The following URAD variants were observed in gnomAD, a reference collection of about 807,000 sequenced individuals.
URAD encodes putative 2-oxo-4-hydroxy-4-carboxy-5-ureidoimidazoline decarboxylase.
A neutral mutation model predicts 4.6 loss-of-function variants in URAD; 4 were observed. The ratio of observed to expected loss-of-function variants is 0.87; its 90% CI spans 0.43 to 1.98. URAD has a LOEUF of 1.98. URAD is among the 30% of genes most tolerant of loss of function. URAD has a pLI of 0.03. For synonymous variants in URAD, 144 were observed against 118.2 expected (o/e 1.22, Z -1.41); for missense variants, 300 against 255.3 (o/e 1.18, Z -1.19).
rs1221510610 is a variant in URAD, at chr13:27,978,285, A to G, written c.343T>C (p.Phe115Leu). 7.0e-7 allele frequency: 1 copy of G among 1,420,180 alleles called. No individual in the cohort carries two copies. The highest frequency in any genetic ancestry group is 9.1e-7 in the Non-Finnish European group (1 of 1,096,130). The allele number at this position is 1,420,180 out of a possible 1,614,324, so 88.0% of individuals were successfully genotyped here. The stretch of plus-strand genomic sequence containing the variant: ...GCGGCGAGCACGAAGGGGAAACCGA[A>G]GCGCGCGCGGTACTGCGCGTTGAGC... Reference protein sequence around the residue: ...AELNAQYRARFGFPFVLAARF... With the variant: ...AELNAQYRARLGFPFVLAARF... The change falls in exon 2 of 2, where the codon TTC (phenylalanine) becomes CTC (leucine). Residue 115 changes from phenylalanine to leucine, a missense_variant. By Grantham distance (22) the Phe-to-Leu change is conservative (BLOSUM62 0). Coordinates refer to ENST00000332715, the MANE Select transcript of URAD (RefSeq NM_001105577.2).
chr13:27,978,320 C>A lies in URAD; in HGVS notation c.308G>T (p.Arg103Leu). ...GTACTGCGCGTTGAGCTCGGCCAGCCGCAGCCGCTCGTCCGCGCCCAGGCT... is the reference window on the plus strand; with the variant it reads ...GTACTGCGCGTTGAGCTCGGCCAGCAGCAGCCGCTCGTCCGCGCCCAGGCT... Reference protein sequence around the residue: ...LRSLGADERLRLAELNAQYRA... With the variant: ...LRSLGADERLLLAELNAQYRA... Residue 103 changes from arginine (R) to leucine (L), a missense_variant, in exon 2 of 2, where the codon CGG becomes CTG. Arg to Leu is a moderately radical substitution (Grantham distance 102, BLOSUM62 -2). Coordinates refer to ENST00000332715, the MANE Select transcript of URAD (RefSeq NM_001105577.2). The A allele has an allele frequency of 7.2e-7, 1 of 1,394,602 alleles. No homozygotes were observed. The highest frequency in any genetic ancestry group is 9.2e-7 in the Non-Finnish European group (1 of 1,082,188). 86.4% of individuals were successfully genotyped at this position (1,394,602 alleles called of 1,614,324 possible). A position where few individuals can be genotyped will look rare whatever the true frequency, so the allele number is the denominator to read the frequency against.
intron 1 of URAD, among the ~76,000 whole-genome samples, chr13:27,980,418 C>A (rs1018052489): frequency 1.3e-5 from 2 of 152,194 alleles, no homozygotes; most frequent in Non-Finnish European, 2.9e-5. Flanking sequence ...GGCCACTTGT[C>A]AGGCCTGGGG....
At position 27,977,971 on chromosome 13, in the gene URAD, A is replaced by G. The variant is rs769021430; in HGVS notation, c.*135T>C. The G allele has an allele frequency of 8.7e-5, 63 of 720,732 alleles. No individual in the cohort carries two copies. Among genetic ancestry groups the G allele is most frequent in the Non-Finnish European group, 1.3e-4 (62 of 486,746 alleles). 44.6% of individuals were successfully genotyped at this position (720,732 alleles called of 1,614,324 possible). A position where few individuals can be genotyped will look rare whatever the true frequency, so the allele number is the denominator to read the frequency against. ...ACTCATTACTCGTATGATTGCCTCAATTCTCCACTTCCTTTGTGCACGTGT... is the reference window on the plus strand; with the variant it reads ...ACTCATTACTCGTATGATTGCCTCAGTTCTCCACTTCCTTTGTGCACGTGT... On this transcript the variant is annotated 3_prime_UTR_variant, in exon 2 of 2. Coordinates refer to ENST00000332715, the MANE Select transcript of URAD (RefSeq NM_001105577.2).
chr13:27,987,678 T>C (rs1870068045), intron 1 of URAD, among the ~76,000 whole-genome samples: 1 of 152,208 alleles, frequency 6.6e-6, no homozygotes, highest in African/African-American at 2.4e-5. Flanking sequence ...CGAATCACTC[T>C]GATGTCTTTT....
intron 1 of URAD, among the ~76,000 whole-genome samples, chr13:27,985,721 G>A (rs1870008269): frequency 6.6e-6 from 1 of 152,028 alleles, no homozygotes; most frequent in African/African-American, 2.4e-5. Flanking sequence ...TGACTCTCAG[G>A]GTTATTAGAA....
In URAD at chr13:27,988,570, T is replaced by C. The variant is rs770805634; in HGVS notation, c.68A>G (p.Glu23Gly). 19 of 1,613,858 alleles carry C rather than the reference T, an allele frequency of 1.2e-5. No homozygotes were observed. In the East Asian group the frequency reaches 4.2e-4, roughly 36 times the overall value. Reference sequence around the variant, plus strand: ...AGCAGCTGCAATCAGAGGACATCTCTCAGTGGCATTCCCAAACACATCCAC... The same window carrying C: ...AGCAGCTGCAATCAGAGGACATCTCCCAGTGGCATTCCCAAACACATCCAC... ...EFVDVFGNAT[E>G]RCPLIAAAVW... Residue 23 changes from glutamate to glycine, a missense_variant, in exon 1 of 2, where the codon GAG becomes GGG. Physicochemically the swap from Glu to Gly is moderately conservative, Grantham distance 98 (BLOSUM62 -2). Transcript: ENST00000332715.
intron 1 of URAD, among the ~76,000 whole-genome samples, chr13:27,981,195 G>A (rs560902887): frequency 5.3e-5 from 8 of 152,246 alleles, no homozygotes; most frequent in African/African-American, 1.9e-4. Flanking sequence ...TAAGTACATC[G>A]GGAATGGTGT....
intron 1 of URAD, among the ~76,000 whole-genome samples, chr13:27,983,831 C>T (rs539709198): frequency 2.4e-4 from 36 of 152,272 alleles, no homozygotes; most frequent in African/African-American, 7.9e-4. Flanking sequence ...TATTTTTTGA[C>T]CAACACAGCA....
intron 1 of URAD, among the ~76,000 whole-genome samples, chr13:27,982,025 C>T (rs1485162636): frequency 6.6e-6 from 1 of 152,208 alleles, no homozygotes; most frequent in Non-Finnish European, 1.5e-5. Context: ...ACTGTACCAA[C>T]TGATCTGCAC....
At chr13:27,983,857 G>A (rs999379890) in intron 1 of URAD, among the ~76,000 whole-genome samples, 5 of 152,060 alleles carry the variant, frequency 3.3e-5, no homozygotes, top group Non-Finnish European at 7.4e-5. Context: ...GGTAAGGAGT[G>A]TTTCATTTTG....
At chr13:27,984,302 T>C (rs1869956670) in intron 1 of URAD, among the ~76,000 whole-genome samples, 1 of 152,238 alleles carries the variant, frequency 6.6e-6, no homozygotes, top group Non-Finnish European at 1.5e-5. Context: ...AGTTAGTGCA[T>C]GTGAGTTTCA....
chr13:27,978,045 C>G lies in URAD; in HGVS notation c.*61G>C, dbSNP rs1869758574. On this transcript the variant is annotated 3_prime_UTR_variant, in exon 2 of 2. Coordinates refer to ENST00000332715, the MANE Select transcript of URAD (RefSeq NM_001105577.2). ...TCCGCCTCCCGCCCAGGACGCACAG[C>G]TCCGGGCCGTGGCCCCCGCGCGTCC... The G allele has an allele frequency of 1.5e-6, 2 of 1,358,498 alleles. No homozygotes were observed. Among genetic ancestry groups the G allele is most frequent in the East Asian group, 6.1e-5 (2 of 32,736 alleles). The allele number at this position is 1,358,498 out of a possible 1,614,324, so 84.2% of individuals were successfully genotyped here.
chr13:27,979,052 C>T (rs1393035533), intron 1 of URAD, among the ~76,000 whole-genome samples: 2 of 152,134 alleles, frequency 1.3e-5, no homozygotes, highest in Non-Finnish European at 2.9e-5. Flanking sequence ...TTTTGTGACC[C>T]TAAGTGTGAG....
At chr13:27,978,601 G>A (rs1042249984) in intron 1 of URAD, 149 bp from the exon 2 acceptor site, 15 of 585,478 alleles carry the variant, frequency 2.6e-5, no homozygotes, top group Non-Finnish European at 3.7e-5. Context: ...GTGAAGTAGA[G>A]TACCCAGGCG....
chr13:27,983,648 A>G (rs966481667), intron 1 of URAD, among the ~76,000 whole-genome samples: 3 of 152,188 alleles, frequency 2.0e-5, no homozygotes, highest in African/African-American at 7.2e-5. Context: ...TTTCTGCCAT[A>G]TTACATATAT....
chr13:27,986,260 A>G (rs924790226), intron 1 of URAD, among the ~76,000 whole-genome samples: 1 of 152,210 alleles, frequency 6.6e-6, no homozygotes, highest in Non-Finnish European at 1.5e-5. Flanking sequence ...AAACGATTTC[A>G]TGCATTCATT....
chr13:27,983,963 A>C (rs1318287893), intron 1 of URAD, among the ~76,000 whole-genome samples: 27 of 152,250 alleles, frequency 1.8e-4, no homozygotes. Flanking sequence ...ATTAGTATCC[A>C]ACTCCATTCA....
In URAD at chr13:27,978,321, G is replaced by T. The variant is rs910003603; in HGVS notation, c.307C>A (p.Arg103=). The change falls in exon 2 of 2, where the codon CGG becomes AGG. Residue 103 remains arginine (R), a synonymous_variant. Transcript: ENST00000332715. ...LRSLGADERL[R]LAELNAQYRA... ...TACTGCGCGTTGAGCTCGGCCAGCC[G>T]CAGCCGCTCGTCCGCGCCCAGGCTC... is the stretch of plus-strand genomic sequence containing the variant. The T allele has an allele frequency of 1.3e-5, 18 of 1,394,050 alleles. No individual in the cohort carries two copies. The African/African-American group carries it at 2.4e-4, about 19-fold the overall frequency. 86.4% of individuals were successfully genotyped at this position (1,394,050 alleles called of 1,614,324 possible).
intron 1 of URAD, among the ~76,000 whole-genome samples, chr13:27,978,684 C>T (rs1434044725): frequency 6.6e-6 from 1 of 152,196 alleles, no homozygotes; most frequent in Non-Finnish European, 1.5e-5. Context: ...GCTTCTCGGT[C>T]CCCACTACAT....
Sources: gnomAD v4.1 joint callset for allele counts (sites outside exome capture counted in the v4.1 genomes callset) on GRCh38, gnomAD v4.1.1 for gene constraint, MANE v1.5 for transcripts, NCBI Gene and HGNC (gene_info 2026-07-23, HGNC 2026-07-21) for gene names.